UGDH: variants seen among roughly 807,000 people sequenced by gnomAD.
UGDH encodes the protein UDP-Glc dehydrogenase.
UGDH carries 38 observed loss-of-function variants against 50.6 expected under a neutral mutation model. That is an observed-to-expected ratio of 0.75 (90% CI 0.58 to 0.98). The LOEUF (loss-of-function observed/expected upper bound fraction) is 0.98. Ranked by LOEUF, UGDH falls within the 50% of genes least tolerant of loss-of-function variation. The pLI is 0.00. For synonymous variants in UGDH, 168 were observed against 199.9 expected, an observed-to-expected ratio of 0.84 and a Z score of 1.35; for missense variants, 465 against 606.2, an observed-to-expected ratio of 0.77 and a Z score of 2.45.
chr4:39,508,908 C>T (rs1007070056), intron 6 of UGDH, among the ~76,000 whole-genome samples: 1 of 148,234 alleles, frequency 6.7e-6, no homozygotes, highest in African/African-American at 2.5e-5. Flanking sequence ...TATATTGTTT[C>T]CTTTTATCTC....
intron 1 of UGDH, chr4:39,527,018 G>A: frequency 7.8e-7 from 1 of 1,289,354 alleles, no homozygotes; most frequent in Non-Finnish European, 1.0e-6. Context: ...AGGAAAGTGG[G>A]TAAAGGCAGA....
chr4:39,505,564 G>A, intron 8 of UGDH, 54 bp downstream of exon 8: 1 of 1,472,648 alleles, frequency 6.8e-7, no homozygotes, highest in Non-Finnish European at 9.0e-7. Flanking sequence ...AAAAAATTAA[G>A]ATGAGGAGTT....
At position 39,500,037 on chromosome 4, in the gene UGDH, A is replaced by C. The variant is rs1218149361; in HGVS notation, c.*106T>G. Reference sequence around the variant, plus strand: ...AGTGAGACTCTGTCTCAAAAAAAAAACAAAAAAAAACACTTGGTTCATTTA... The same window carrying C: ...AGTGAGACTCTGTCTCAAAAAAAAACCAAAAAAAAACACTTGGTTCATTTA... On this transcript the variant is annotated 3_prime_UTR_variant, in exon 12 of 12. Coordinates refer to ENST00000316423, the MANE Select transcript of UGDH (RefSeq NM_003359.4). The C allele has an allele frequency of 1.0e-5, 7 of 681,580 alleles. No homozygotes were observed. Among genetic ancestry groups the C allele is most frequent in the East Asian group, 5.8e-5 (2 of 34,514 alleles). 42.2% of individuals were successfully genotyped at this position (681,580 alleles called of 1,614,324 possible).
chr4:39,513,403 T>G (rs1050294651), intron 3 of UGDH, among the ~76,000 whole-genome samples: 1 of 152,070 alleles, frequency 6.6e-6, no homozygotes, highest in Non-Finnish European at 1.5e-5. Flanking sequence ...AGAGAGGAGA[T>G]GCCTGTAAGT....
chr4:39,511,812 C>T (rs1447107730), intron 3 of UGDH, among the ~76,000 whole-genome samples: 3 of 150,332 alleles, frequency 2.0e-5, no homozygotes, highest in Admixed American at 6.7e-5. Context: ...TGGGTTCAAG[C>T]GATTCTCCTG....
At chr4:39,519,125 CA>C (rs564442334) in intron 2 of UGDH, among the ~76,000 whole-genome samples, 155 of 152,124 alleles carry the variant, frequency 1.0e-3, no homozygotes, top group African/African-American at 3.6e-3. Context: ...CCATGTTGGC[CA>C]GGCTGGTTTC....
chr4:39,507,392 T>C (rs889806660), intron 7 of UGDH, among the ~76,000 whole-genome samples: 2 of 152,200 alleles, frequency 1.3e-5, no homozygotes, highest in South Asian at 2.1e-4. Flanking sequence ...ACAATATAGG[T>C]TCTGTTTTTT....
At chr4:39,520,480 G>C (rs1353734669) in intron 2 of UGDH, among the ~76,000 whole-genome samples, 1 of 147,210 alleles carries the variant, frequency 6.8e-6, no homozygotes, top group Non-Finnish European at 1.5e-5. Context: ...TCATTTTACA[G>C]TGAAATAATA....
intron 9 of UGDH, 135 bp from the exon 10 acceptor site, chr4:39,504,643 C>T: frequency 1.3e-6 from 1 of 743,966 alleles, no homozygotes; most frequent in Non-Finnish European, 2.2e-6. Context: ...GTACTGAACC[C>T]TATATATACT....
chr4:39,510,277 C>T (rs1326931059), intron 5 of UGDH, 76 bp downstream of exon 5: 1 of 1,420,446 alleles, frequency 7.0e-7, no homozygotes, highest in East Asian at 2.3e-5. Context: ...AAAAAAGTAT[C>T]TGTGTAGTTT....
intron 11 of UGDH, among the ~76,000 whole-genome samples, chr4:39,501,195 T>C (rs552379253): frequency 2.0e-5 from 3 of 151,548 alleles, no homozygotes; most frequent in Admixed American, 1.3e-4. Flanking sequence ...CTCGAACTCC[T>C]GACTTCGTGA....
At chr4:39,513,597 C>T (rs897724416) in intron 3 of UGDH, among the ~76,000 whole-genome samples, 3 of 134,500 alleles carry the variant, frequency 2.2e-5, no homozygotes, top group South Asian at 2.3e-4. Context: ...AGTGCAGTGG[C>T]GCGATCTCGG....
At chr4:39,526,763 G>A (rs1234799097) in intron 1 of UGDH, among the ~76,000 whole-genome samples, 1 of 152,166 alleles carries the variant, frequency 6.6e-6, no homozygotes, top group Non-Finnish European at 1.5e-5. Context: ...ATGGATTCCA[G>A]GACATCCCGG....
chr4:39,513,790 C>T (rs1446332924), intron 3 of UGDH, among the ~76,000 whole-genome samples: 2 of 152,132 alleles, frequency 1.3e-5, no homozygotes, highest in Non-Finnish European at 2.9e-5. Flanking sequence ...CCACCTTGGC[C>T]TCCCACAATG....
rs1159742365 is a variant in UGDH, at chr4:39,524,174, T to G, written c.-7-2655A>C. On this transcript the variant is annotated intron_variant, in intron 1 of 11. Coordinates refer to ENST00000316423, the MANE Select transcript of UGDH (RefSeq NM_003359.4). ...ACCACTTAATCTCCTAGCCAAAAGG[T>G]TATTAGGGCAGCCTTTACTCTTAAT... Among the ~76,000 whole-genome samples, 6 of 152,228 alleles carry G rather than the reference T, an allele frequency of 3.9e-5. No homozygotes were observed. The East Asian group carries it at 9.6e-4, about 24-fold the overall frequency.
At chr4:39,513,649 G>A (rs1454919488) in intron 3 of UGDH, among the ~76,000 whole-genome samples, 3 of 147,172 alleles carry the variant, frequency 2.0e-5, no homozygotes, top group African/African-American at 7.6e-5. Context: ...CGATTCTCCT[G>A]CCTCAGCCTC....
rs369507361 is a variant in UGDH, at chr4:39,512,025, GA to G, written c.265-1165del. ...GCCAATGGGCGAAGACTTTCATTTAGAAAAAAAAAAAAAAAATCATGGGCCC... is the reference window on the plus strand; with the variant it reads ...GCCAATGGGCGAAGACTTTCATTTAGAAAAAAAAAAAAAAATCATGGGCCC... On this transcript the variant is annotated intron_variant, in intron 3 of 11. Coordinates refer to ENST00000316423, the MANE Select transcript of UGDH (RefSeq NM_003359.4). Among the ~76,000 whole-genome samples the G allele has an allele frequency of 1.0e-3, 139 of 136,898 alleles. 2 individuals carry two copies. The highest frequency in any genetic ancestry group is 3.1e-3 in the African/African-American group (110 of 35,396). The allele number at this position is 136,898 out of a possible 152,430, so 89.8% of individuals were successfully genotyped here.
At chr4:39,505,578 A>G (rs1284396372) in intron 8 of UGDH, 40 bp downstream of exon 8, 2 of 1,531,844 alleles carry the variant, frequency 1.3e-6, no homozygotes, top group South Asian at 2.7e-5. Flanking sequence ...AGGAGTTAAC[A>G]CAATCTCAAA....
At chr4:39,520,839 C>T (rs1383110950) in intron 2 of UGDH, among the ~76,000 whole-genome samples, 3 of 151,546 alleles carry the variant, frequency 2.0e-5, no homozygotes, top group Admixed American at 6.6e-5. Flanking sequence ...TTTGGGAGGC[C>T]GGGGCGGGCA....
Sources: allele counts gnomAD v4.1 joint callset (sites outside exome capture counted in the v4.1 genomes callset), GRCh38; gene constraint gnomAD v4.1.1; transcripts MANE v1.5; gene names NCBI Gene and HGNC (gene_info 2026-07-23, HGNC 2026-07-21).